The following MYO1C variants were observed in gnomAD, a reference collection of about 807,000 sequenced individuals.
MYO1C encodes myosin IC.
In MYO1C, 104 loss-of-function variants were observed where a neutral mutation model predicts 150.8. The ratio of observed to expected loss-of-function variants is 0.69; its 90% CI spans 0.59 to 0.81. The LOEUF is 0.81. Ranked by LOEUF, MYO1C falls within the 30% of genes least tolerant of loss-of-function variation. MYO1C has a pLI of 0.00. For synonymous variants in MYO1C, 663 were observed against 579.9 expected, an observed-to-expected ratio of 1.14 and a Z score of -2.06; for missense variants, 1,504 against 1,435.0, an observed-to-expected ratio of 1.05 and a Z score of -0.78.
At chr17:1,467,604 C>T (rs762478773) in intron 29 of MYO1C, 27 bp from the exon 30 acceptor site, 1 of 1,606,968 alleles carries the variant, frequency 6.2e-7, no homozygotes, top group South Asian at 1.1e-5. Context: ...GAGGAGGGGT[C>T]AGGCCCTGCC....
Position 1,477,510 on chromosome 17 carries a change from G to C in MYO1C, c.1569C>G (p.Phe523Leu). The C allele has an allele frequency of 6.2e-7, 1 of 1,613,654 alleles. No homozygotes were observed. Among genetic ancestry groups the C allele is most frequent in the Non-Finnish European group, 8.5e-7 (1 of 1,179,968 alleles). ...LEDTVKHHPH[F>L]LTHKLADQRT... is the part of the protein sequence containing the mutation. ...AGCCCCGCAGCCCCACTCACGTCAG[G>C]AAGTGTGGATGGTGCTTGACAGTAT... The change falls in exon 14 of 32, where the codon TTC (phenylalanine) becomes TTG (leucine). Residue 523 changes from phenylalanine (F) to leucine (L), a missense_variant. Transcript: ENST00000648651.
chr17:1,482,044 C>T (rs1314803150), intron 5 of MYO1C, among the ~76,000 whole-genome samples: 2 of 151,884 alleles, frequency 1.3e-5, no homozygotes, highest in Non-Finnish European at 2.9e-5. Flanking sequence ...TCCATCAAGC[C>T]ATTATTTTCT....
At position 1,468,301 on chromosome 17, in the gene MYO1C, A is replaced by G. The variant is rs1314157845; in HGVS notation, c.2712T>C (p.Asp904=). The G allele has an allele frequency of 3.7e-6, 6 of 1,612,964 alleles. No individual in the cohort carries two copies. The South Asian group carries it at 5.5e-5, about 15-fold the overall frequency. ...CCTGCAGCACTCGGGGGCTGATCTCATCTGTACCTGCAACTCAGATGGCGG... is the reference window on the plus strand; with the variant it reads ...CCTGCAGCACTCGGGGGCTGATCTCGTCTGTACCTGCAACTCAGATGGCGG... ...RLFISTRLGT[D]EISPRVLQAL... The change falls in exon 27 of 32, where the codon GAT becomes GAC. Residue 904 remains aspartate (D), a synonymous_variant. Coordinates refer to ENST00000648651, the MANE Select transcript of MYO1C (RefSeq NM_001080779.2).
At chr17:1,468,782 A>T in intron 25 of MYO1C, 2 of 524,140 alleles carry the variant, frequency 3.8e-6, no homozygotes, top group Non-Finnish European at 6.9e-6. Flanking sequence ...TGGCCCTGAG[A>T]CTCAGCTCCA....
chr17:1,471,893 G>C lies in MYO1C; in HGVS notation c.2021+14C>G. The stretch of plus-strand genomic sequence containing the variant: ...CGCTCCCCTTCCCTGGCACCGAGCA[G>C]GACCTGCCCCCACCTTTGCAGGAAA... On this transcript the variant is annotated intron_variant, in intron 19 of 31. Transcript: ENST00000648651. 6.2e-7 allele frequency: 1 copy of C among 1,613,134 alleles called. No homozygotes were observed. The highest frequency in any genetic ancestry group is 8.5e-7 in the Non-Finnish European group (1 of 1,179,154).
At chr17:1,492,336 G>A in intron 1 of MYO1C, 77 bp downstream of exon 1, 1 of 1,449,582 alleles carries the variant, frequency 6.9e-7, no homozygotes, top group Non-Finnish European at 9.5e-7. Context: ...TCTTGCCCGA[G>A]GGCTCGCCTG....
intron 14 of MYO1C, 87 bp downstream of exon 14, chr17:1,477,418 G>A: frequency 8.0e-7 from 1 of 1,242,792 alleles, no homozygotes; most frequent in Non-Finnish European, 1.2e-6. Context: ...TGTGGCTGGT[G>A]TTTTGTGATG....
At chr17:1,471,603 C>T (rs1161245027) in intron 19 of MYO1C, among the ~76,000 whole-genome samples, 2 of 152,216 alleles carry the variant, frequency 1.3e-5, no homozygotes, top group African/African-American at 4.8e-5. Flanking sequence ...TCCACCCTTT[C>T]GGAGCCCCTT....
At chr17:1,487,665 C>T (rs2074680756) in intron 1 of MYO1C, among the ~76,000 whole-genome samples, 1 of 152,148 alleles carries the variant, frequency 6.6e-6, no homozygotes, top group African/African-American at 2.4e-5. Context: ...CGCCTGTAAT[C>T]CCAGCGCTTT....
intron 17 of MYO1C, 123 bp downstream of exon 17, chr17:1,474,487 C>T: frequency 2.1e-6 from 2 of 950,848 alleles, no homozygotes; most frequent in Admixed American, 1.7e-5. Flanking sequence ...CCCCTACAGA[C>T]ACCTGCAGAT....
chr17:1,469,816 C>T (rs888347994), intron 24 of MYO1C, among the ~76,000 whole-genome samples: 4 of 152,170 alleles, frequency 2.6e-5, no homozygotes, highest in Admixed American at 6.5e-5. Flanking sequence ...GGGTGGATCA[C>T]CCGAGCTCAG....
Position 1,479,505 on chromosome 17 carries a change from G to C in MYO1C, c.1021-3C>G. 6.6e-7 allele frequency: 1 copy of C among 1,518,714 alleles called. No individual in the cohort carries two copies. Among genetic ancestry groups the C allele is most frequent in the Non-Finnish European group, 9.0e-7 (1 of 1,116,194 alleles). 94.1% of individuals were successfully genotyped at this position (1,518,714 alleles called of 1,614,324 possible). A position where few individuals can be genotyped will look rare whatever the true frequency, so the allele number is the denominator to read the frequency against. ...GTCGAGCCTTCCACGCTGAGGAGCT[G>C]CCAAGGGCAGGCGAGGACACGGTGA... On this transcript the variant is annotated splice_polypyrimidine_tract_variant and splice_region_variant and intron_variant, in intron 8 of 31. Coordinates refer to ENST00000648651, the MANE Select transcript of MYO1C (RefSeq NM_001080779.2). The surrounding 1 kb of genome is among the most constrained non-coding windows in gnomAD (Gnocchi z 4.2).
At chr17:1,485,082 A>T (rs1287650841) in intron 1 of MYO1C, 3 of 1,246,640 alleles carry the variant, frequency 2.4e-6, no homozygotes, top group African/African-American at 1.5e-5. Context: ...CACCTCCTCC[A>T]CTGAGAGTCC....
rs2074254855 is a variant in MYO1C, at chr17:1,469,517, C to A, written c.2610+14G>T. The stretch of plus-strand genomic sequence containing the variant: ...CTCCACTTCCTCATCCTCACCCAGC[C>A]CCGCTCTCCGTACCTGCTGCTTCCA... On this transcript the variant is annotated intron_variant, in intron 25 of 31. Transcript: ENST00000648651. 8.7e-6 allele frequency: 14 copies of A among 1,600,770 alleles called. No homozygotes were observed. The South Asian group carries it at 1.6e-4, about 18-fold the overall frequency.
intron 5 of MYO1C, among the ~76,000 whole-genome samples, chr17:1,481,720 T>C (rs1272713858): frequency 6.6e-6 from 1 of 151,598 alleles, no homozygotes; most frequent in Non-Finnish European, 1.5e-5. Flanking sequence ...AGGCTGGTCT[T>C]GAACTCCCGA....
At chr17:1,481,114 T>A in intron 5 of MYO1C, 2 of 573,388 alleles carry the variant, frequency 3.5e-6, no homozygotes, top group Non-Finnish European at 6.2e-6. Context: ...CCTGGATGCC[T>A]GACAGGTATC....
At chr17:1,480,122 G>A (rs2074486630) in intron 7 of MYO1C, among the ~76,000 whole-genome samples, 1 of 135,246 alleles carries the variant, frequency 7.4e-6, no homozygotes, top group Admixed American at 8.0e-5. Flanking sequence ...TCCAGCCTGG[G>A]CGAAAGAGCG....
chr17:1,467,815 CTCCTCCCCATCCAT>C lies in MYO1C; in HGVS notation c.2967+11_2967+24del. ...CATCTACCTCCCCCATCCCCCACCA[CTCCTCCCCATCCAT>C]GAAAAGGCACCTTTTGCTTATTGTC... is the stretch of plus-strand genomic sequence containing the variant. On this transcript the variant is annotated intron_variant, in intron 29 of 31. Coordinates refer to ENST00000648651, the MANE Select transcript of MYO1C (RefSeq NM_001080779.2). 1 of 1,495,286 alleles carries C rather than the reference CTCCTCCCCATCCAT, an allele frequency of 6.7e-7. No homozygotes were observed. Among genetic ancestry groups the C allele is most frequent in the South Asian group, 1.2e-5 (1 of 84,342 alleles). The allele number at this position is 1,495,286 out of a possible 1,614,324, so 92.6% of individuals were successfully genotyped here. A position where few individuals can be genotyped will look rare whatever the true frequency, so the allele number is the denominator to read the frequency against.
rs2150939979 is a variant in MYO1C, at chr17:1,472,034, G to C, written c.1904-10C>G. On this transcript the variant is annotated splice_polypyrimidine_tract_variant and intron_variant, in intron 18 of 31. Coordinates refer to ENST00000648651, the MANE Select transcript of MYO1C (RefSeq NM_001080779.2). ...ACCTCGTCAAAGCGGCCTGGGGTAGGGGGAGCGCCGTGGTCAGCGGGCTGG... is the reference window on the plus strand; with the variant it reads ...ACCTCGTCAAAGCGGCCTGGGGTAGCGGGAGCGCCGTGGTCAGCGGGCTGG... 1 of 1,613,824 alleles carries C rather than the reference G, an allele frequency of 6.2e-7. No homozygotes were observed. The highest frequency in any genetic ancestry group is 2.2e-5 in the East Asian group (1 of 44,874).
Sources: allele counts gnomAD v4.1 joint callset (sites outside exome capture counted in the v4.1 genomes callset), GRCh38; gene constraint gnomAD v4.1.1; non-coding constraint Gnocchi (gnomAD v3.1); transcripts MANE v1.5; gene names NCBI Gene and HGNC (gene_info 2026-07-23, HGNC 2026-07-21).